SLC6A3: variants seen among roughly 807,000 people sequenced by gnomAD.
SLC6A3 encodes sodium-dependent dopamine transporter.
In SLC6A3, 19 loss-of-function variants were observed where a neutral mutation model predicts 70.4. The ratio of observed to expected loss-of-function variants is 0.27; its 90% CI spans 0.19 to 0.40. The LOEUF (loss-of-function observed/expected upper bound fraction) is 0.40. Ranked by LOEUF, SLC6A3 falls within the 10% of genes least tolerant of loss-of-function variation. The pLI, the probability that SLC6A3 is intolerant of heterozygous loss-of-function variation, is 1.00. For synonymous variants in SLC6A3, 368 were observed against 356.6 expected, an observed-to-expected ratio of 1.03 and a Z score of -0.36; for missense variants, 613 against 838.5, an observed-to-expected ratio of 0.73 and a Z score of 3.32.
In SLC6A3 at chr5:1,442,472, C is replaced by T. The variant is rs1733697298; in HGVS notation, c.286+440G>A. ...CTCTGTGGCTGGGTTCTGGAGGGTG[C>T]AGGGGACACAGTCACTTTCCAGGGG... On this transcript the variant is annotated intron_variant, in intron 2 of 14. Transcript: ENST00000270349. The surrounding 1 kb of genome is among the most constrained non-coding windows in gnomAD (Gnocchi z 5.0). 6.6e-6 allele frequency among the ~76,000 whole-genome samples: 1 copy of T among 152,198 alleles called. No individual in the cohort carries two copies. The highest frequency in any genetic ancestry group is 6.5e-5 in the Admixed American group (1 of 15,284).
At chr5:1,416,015 A>G in intron 7 of SLC6A3, 83 bp downstream of exon 7, 1 of 1,075,308 alleles carries the variant, frequency 9.3e-7, no homozygotes, top group Non-Finnish European at 1.4e-6. Context: ...CCCTGTTCTC[A>G]TCCAGGGACA....
chr5:1,407,396 C>T (rs1219827590), intron 11 of SLC6A3, among the ~76,000 whole-genome samples: 1 of 152,206 alleles, frequency 6.6e-6, no homozygotes, highest in African/African-American at 2.4e-5. Flanking sequence ...GAGGGGCGTC[C>T]CCAAGGCCCC....
chr5:1,420,517 G>C, intron 6 of SLC6A3, 52 bp downstream of exon 6: 2 of 1,608,080 alleles, frequency 1.2e-6, no homozygotes, highest in Non-Finnish European at 1.7e-6. Flanking sequence ...ATGGAAACCT[G>C]GGAATGCCAG....
rs527465451 is a variant in SLC6A3 at position 1,401,754 on chromosome 5, C to T, written c.1768-768G>A. Among the ~76,000 whole-genome samples, 3 of 152,378 alleles carry T rather than the reference C, an allele frequency of 2.0e-5. No homozygotes were observed. The highest frequency in any genetic ancestry group is 2.9e-5 in the Non-Finnish European group (2 of 68,034). On this transcript the variant is annotated intron_variant, in intron 13 of 14. Transcript: ENST00000270349. The surrounding 1 kb of genome is among the most constrained non-coding windows in gnomAD (Gnocchi z 6.1). ...GGGCTGTAGGCATCCTCCAGCTCTG[C>T]GCTGACCTGGGCCCCGCCTCCCACG...
chr5:1,430,571 G>A (rs982136485), intron 4 of SLC6A3, among the ~76,000 whole-genome samples: 11 of 152,142 alleles, frequency 7.2e-5, no homozygotes, highest in Admixed American at 3.9e-4. Flanking sequence ...CACACCCTCC[G>A]GCCTGCCCGA....
intron 4 of SLC6A3, among the ~76,000 whole-genome samples, chr5:1,427,163 G>T (rs1437641386): frequency 6.6e-6 from 1 of 152,244 alleles, no homozygotes; most frequent in Non-Finnish European, 1.5e-5. Flanking sequence ...TTCTTTGTTA[G>T]ATTTATTTAA....
At position 1,401,184 on chromosome 5, in the gene SLC6A3, A is replaced by G; in HGVS notation, c.1768-198T>C. ...CACTGCCAGTGCCCATGCCGACCAG[A>G]CAGCCAGTCAGGCCCGAAGCCAACA... On this transcript the variant is annotated intron_variant, in intron 13 of 14. Transcript: ENST00000270349. The surrounding 1 kb of genome is among the most constrained non-coding windows in gnomAD (Gnocchi z 6.1). The G allele has an allele frequency of 2.9e-6, 2 of 700,782 alleles. No homozygotes were observed. Among genetic ancestry groups the G allele is most frequent in the Non-Finnish European group, 5.2e-6 (2 of 383,992 alleles). 43.4% of individuals were successfully genotyped at this position (700,782 alleles called of 1,614,324 possible). A position where few individuals can be genotyped will look rare whatever the true frequency, so the allele number is the denominator to read the frequency against.
chr5:1,394,893 G>T lies in SLC6A3; in HGVS notation c.1840-135C>A. ...CTGGCCATGTGCCCTGGGAGAAGGG[G>T]AGGCTCACTGGGGGCCTGGACCAAC... On this transcript the variant is annotated intron_variant, in intron 14 of 14. Transcript: ENST00000270349. The surrounding 1 kb of genome is among the most constrained non-coding windows in gnomAD (Gnocchi z 4.7). 1 of 924,974 alleles carries T rather than the reference G, an allele frequency of 1.1e-6. No individual in the cohort carries two copies. The highest frequency in any genetic ancestry group is 1.9e-5 in the Admixed American group (1 of 53,982). 57.3% of individuals were successfully genotyped at this position (924,974 alleles called of 1,614,324 possible).
rs530167364 is a variant in SLC6A3 at position 1,417,554 on chromosome 5, A to G, written c.928-1353T>C. Reference sequence around the variant, plus strand: ...CTGCCCAACTCGGTGGATGGCACCCACAACTCTGGACGTGAAAGGAAAGGT... The same window carrying G: ...CTGCCCAACTCGGTGGATGGCACCCGCAACTCTGGACGTGAAAGGAAAGGT... On this transcript the variant is annotated intron_variant, in intron 6 of 14. Coordinates refer to ENST00000270349, the MANE Select transcript of SLC6A3 (RefSeq NM_001044.5). Among the ~76,000 whole-genome samples the G allele has an allele frequency of 1.1e-3, 169 of 152,328 alleles. 1 individual carries two copies. Among genetic ancestry groups the G allele is most frequent in the South Asian group, 3.7e-3 (18 of 4,824 alleles).
In SLC6A3 at chr5:1,443,088, T is replaced by G; in HGVS notation, c.110A>C (p.Gln37Pro). The change falls in exon 2 of 15, where the codon CAG becomes CCG. Residue 37 changes from glutamine to proline, a missense_variant. By Grantham distance (76) the Gln-to-Pro change is moderately conservative. Around this residue, in one of 4 missense-constraint regions of SLC6A3, gnomAD observed 111 missense variants for 91.6 expected, o/e 1.21. Coordinates refer to ENST00000270349, the MANE Select transcript of SLC6A3 (RefSeq NM_001044.5). ...KEVELILVKE[Q>P]NGVQLTSSTL... ...GGAGCTGGTGAGCTGCACTCCGTTC[T>G]GCTCCTTGACAAGGATGAGCTCCAC... 3 of 1,614,246 alleles carry G rather than the reference T, an allele frequency of 1.9e-6. No individual in the cohort carries two copies. Among genetic ancestry groups the G allele is most frequent in the Non-Finnish European group, 2.5e-6 (3 of 1,180,044 alleles).
rs1203885952 is a variant in SLC6A3 at position 1,442,733 on chromosome 5, C to T, written c.286+179G>A. On this transcript the variant is annotated intron_variant, in intron 2 of 14. Coordinates refer to ENST00000270349, the MANE Select transcript of SLC6A3 (RefSeq NM_001044.5). This position sits in a 1 kb window ranked among gnomAD's most constrained non-coding sequence, Gnocchi z 5.0. ...GCGTGGGACAAGGCAGCTCCGAGTC[C>T]TGCTCAATGGTTTTGTGACATCCTC... Among the ~76,000 whole-genome samples, 1 of 152,096 alleles carries T rather than the reference C, an allele frequency of 6.6e-6. No homozygotes were observed. The highest frequency in any genetic ancestry group is 1.5e-5 in the Non-Finnish European group (1 of 68,016).
In SLC6A3 at chr5:1,414,707, C is replaced by T. The variant is rs148706810; in HGVS notation, c.1140G>A (p.Gly380=). The change falls in exon 8 of 15, where the codon GGG becomes GGA. Residue 380 remains glycine, a synonymous_variant. Coordinates refer to ENST00000270349, the MANE Select transcript of SLC6A3 (RefSeq NM_001044.5). ...GGGGCTCACCGTCCTTGGCCACGTCCCCGATGGGCACACTGTGCTTCTGTG... is the reference window on the plus strand; with the variant it reads ...GGGGCTCACCGTCCTTGGCCACGTCTCCGATGGGCACACTGTGCTTCTGTG... ...YMAQKHSVPI[G]DVAKDGPGLI... is the part of the protein sequence containing the mutation. 5 of 1,612,424 alleles carry T rather than the reference C, an allele frequency of 3.1e-6. No individual in the cohort carries two copies. Among genetic ancestry groups the T allele is most frequent in the Non-Finnish European group, 4.2e-6 (5 of 1,179,818 alleles).
chr5:1,422,945 C>T (rs1294172271), intron 4 of SLC6A3, among the ~76,000 whole-genome samples: 7 of 72,338 alleles, frequency 9.7e-5, no homozygotes, highest in East Asian at 5.2e-4. Flanking sequence ...GTGCTGCCCA[C>T]GCTGCTGGGT....
At position 1,397,528 on chromosome 5, in the gene SLC6A3, G is replaced by A. The variant is rs534920557; in HGVS notation, c.1840-2770C>T. 7.9e-5 allele frequency among the ~76,000 whole-genome samples: 12 copies of A among 152,296 alleles called. No homozygotes were observed. The highest frequency in any genetic ancestry group is 1.3e-4 in the Non-Finnish European group (9 of 68,036). On this transcript the variant is annotated intron_variant, in intron 14 of 14. Transcript: ENST00000270349. The surrounding 1 kb of genome is among the most constrained non-coding windows in gnomAD (Gnocchi z 4.7). ...CACCGAAAGCAGAAGAAACTCGGCC[G>A]AGTGCAGGGGTGAGGACAGAGCCCA...
Position 1,414,562 on chromosome 5 carries a change from G to C in SLC6A3, c.1156+129C>G, listed in dbSNP as rs144067026. ...TGTACCACCATCCTTCAAGAGTGAG[G>C]CAGCAACTCTCACTGAAGTCGCTCA... is the stretch of plus-strand genomic sequence containing the variant. On this transcript the variant is annotated intron_variant, in intron 8 of 14. Coordinates refer to ENST00000270349, the MANE Select transcript of SLC6A3 (RefSeq NM_001044.5). The C allele has an allele frequency of 1.1e-4, 115 of 1,064,642 alleles. No homozygotes were observed. The East Asian group carries it at 2.9e-3, about 27-fold the overall frequency. 65.9% of individuals were successfully genotyped at this position (1,064,642 alleles called of 1,614,324 possible). A position where few individuals can be genotyped will look rare whatever the true frequency, so the allele number is the denominator to read the frequency against.
In SLC6A3 at chr5:1,394,823, T is replaced by TGGCTAAGAGCAGCTGAAGGC; in HGVS notation, c.1840-85_1840-66dup. The TGGCTAAGAGCAGCTGAAGGC allele has an allele frequency of 4.4e-6, 7 of 1,580,340 alleles. No homozygotes were observed. Among genetic ancestry groups the TGGCTAAGAGCAGCTGAAGGC allele is most frequent in the Non-Finnish European group, 6.1e-6 (7 of 1,151,474 alleles). Reference sequence around the variant, plus strand: ...TGCCCCATTTAAGAGCAGCTGAAGGTGGCTAAGAGCAGCTGAAGGCAGTGA... The same window carrying TGGCTAAGAGCAGCTGAAGGC: ...TGCCCCATTTAAGAGCAGCTGAAGGTGGCTAAGAGCAGCTGAAGGCGGCTAAGAGCAGCTGAAGGCAGTGA... On this transcript the variant is annotated intron_variant, in intron 14 of 14. Transcript: ENST00000270349. This position sits in a 1 kb window ranked among gnomAD's most constrained non-coding sequence, Gnocchi z 4.7.
rs774324162 is a variant in SLC6A3 at position 1,406,156 on chromosome 5, G to A, written c.1599+32C>T. ...GCCAGAGTGGGGGCAGTGGGCAGAC[G>A]GGGGAAGGGCAGGTGGCCCGAGGTC... On this transcript the variant is annotated intron_variant, in intron 12 of 14. Coordinates refer to ENST00000270349, the MANE Select transcript of SLC6A3 (RefSeq NM_001044.5). This position sits in a 1 kb window ranked among gnomAD's most constrained non-coding sequence, Gnocchi z 8.8. 19 of 1,510,794 alleles carry A rather than the reference G, an allele frequency of 1.3e-5. No individual in the cohort carries two copies. Among genetic ancestry groups the A allele is most frequent in the East Asian group, 4.5e-5 (2 of 44,370 alleles). 93.6% of individuals were successfully genotyped at this position (1,510,794 alleles called of 1,614,324 possible).
At chr5:1,430,646 A>T (rs775191966) in intron 4 of SLC6A3, among the ~76,000 whole-genome samples, 1 of 152,206 alleles carries the variant, frequency 6.6e-6, no homozygotes, top group Non-Finnish European at 1.5e-5. Context: ...TCCTTGCAGG[A>T]AAAGACCTCA....
chr5:1,420,901 C>G (rs964323553), intron 5 of SLC6A3, among the ~76,000 whole-genome samples, 198 bp from the exon 6 acceptor site: 1 of 152,256 alleles, frequency 6.6e-6, no homozygotes, highest in Non-Finnish European at 1.5e-5. Context: ...TGCACACCCT[C>G]CCCAGGGATG....
Sources: gnomAD v4.1 joint callset for allele counts (sites outside exome capture counted in the v4.1 genomes callset) on GRCh38, gnomAD v4.1.1 for gene constraint, gnomAD v4.1.1 regional missense constraint, Gnocchi (gnomAD v3.1) non-coding constraint, MANE v1.5 for transcripts, NCBI Gene and HGNC (gene_info 2026-07-23, HGNC 2026-07-21) for gene names.